Variants in RCOR1 observed in about 807,000 individuals in gnomAD.
RCOR1 encodes REST corepressor.
RCOR1 carries 12 observed loss-of-function variants against 64.0 expected under a neutral mutation model. That is an observed-to-expected ratio of 0.19 (90% CI 0.12 to 0.30). The LOEUF (loss-of-function observed/expected upper bound fraction) is 0.30. RCOR1 is among the 10% of genes least tolerant of loss of function. The probability of loss-of-function intolerance (pLI) is 1.00; values close to 1 mark genes in which losing one functional copy is unlikely to be tolerated. For synonymous variants in RCOR1, 279 were observed against 227.2 expected (o/e 1.23, Z -2.05); for missense variants, 502 against 621.2 (o/e 0.81, Z 2.04).
At chr14:102,607,843 C>G (rs1213265548) in intron 2 of RCOR1, among the ~76,000 whole-genome samples, 1 of 152,168 alleles carries the variant, frequency 6.6e-6, no homozygotes, top group African/African-American at 2.4e-5. Context: ...GATCGTGCCA[C>G]TGCACACTAG....
chr14:102,648,299 G>A (rs1894517254), intron 2 of RCOR1, among the ~76,000 whole-genome samples: 1 of 152,284 alleles, frequency 6.6e-6, no homozygotes, highest in South Asian at 2.1e-4. Context: ...GGCTGGTCTT[G>A]AACTCTTGAT....
chr14:102,635,436 G>A (rs543654193), intron 2 of RCOR1, among the ~76,000 whole-genome samples: 4 of 152,186 alleles, frequency 2.6e-5, no homozygotes, highest in South Asian at 4.1e-4. Flanking sequence ...CCCAGGAGGC[G>A]GAGGTTGCAG....
chr14:102,676,699 T>C (rs1595225087), intron 2 of RCOR1, among the ~76,000 whole-genome samples: 1 of 94,366 alleles, frequency 1.1e-5, no homozygotes. Flanking sequence ...CCCACCTCCC[T>C]CCCGGACTGG....
chr14:102,608,972 G>A (rs1044169459), intron 2 of RCOR1, among the ~76,000 whole-genome samples: 2 of 151,122 alleles, frequency 1.3e-5, no homozygotes, highest in African/African-American at 4.9e-5. Context: ...ATCCTTTTAG[G>A]GGTATATATC....
intron 2 of RCOR1, among the ~76,000 whole-genome samples, chr14:102,652,959 A>C (rs891306054): frequency 3.3e-5 from 5 of 151,934 alleles, no homozygotes; most frequent in African/African-American, 9.7e-5. Context: ...TTTGAGATGG[A>C]GTTTCGCTTT....
chr14:102,730,204 C>CT lies in RCOR1; in HGVS notation c.*3703dup. On this transcript the variant is annotated 3_prime_UTR_variant, in exon 12 of 12. Transcript: ENST00000262241. Reference sequence around the variant, plus strand: ...GTAGACTTATCGACTTTGCTAAGTGCTTTTTAGACAGCTTAAAAAATTTTC... The same window carrying CT: ...GTAGACTTATCGACTTTGCTAAGTGCTTTTTTAGACAGCTTAAAAAATTTTC... 1 of 395,208 alleles carries CT rather than the reference C, an allele frequency of 2.5e-6. No individual in the cohort carries two copies. The highest frequency in any genetic ancestry group is 4.5e-6 in the Non-Finnish European group (1 of 224,344). 24.5% of individuals were successfully genotyped at this position (395,208 alleles called of 1,614,324 possible). A position where few individuals can be genotyped will look rare whatever the true frequency, so the allele number is the denominator to read the frequency against.
chr14:102,623,416 T>A (rs1893917065), intron 2 of RCOR1, among the ~76,000 whole-genome samples: 1 of 150,742 alleles, frequency 6.6e-6, no homozygotes, highest in African/African-American at 2.4e-5. Flanking sequence ...ATTTATTTAT[T>A]TATTTATTTT....
intron 2 of RCOR1, chr14:102,656,089 G>T: frequency 1.0e-6 from 1 of 985,112 alleles, no homozygotes; most frequent in Non-Finnish European, 1.2e-6. Context: ...TATTTGAGTG[G>T]AAACAGATTC....
At chr14:102,621,612 A>G (rs989103698) in intron 2 of RCOR1, among the ~76,000 whole-genome samples, 7 of 152,008 alleles carry the variant, frequency 4.6e-5, no homozygotes, top group Non-Finnish European at 8.8e-5. Context: ...AAATTTACAT[A>G]TATTTTAATG....
Position 102,707,527 on chromosome 14 carries a change from C to T in RCOR1, c.660+15C>T. On this transcript the variant is annotated intron_variant, in intron 5 of 11. Transcript: ENST00000262241. ...TCCAACAAATGGTAAGTAGATGAGA[C>T]CACTGAGTTCTATTTTTTTTCTCCT... The T allele has an allele frequency of 6.4e-7, 1 of 1,574,174 alleles. No homozygotes were observed. Among genetic ancestry groups the T allele is most frequent in the East Asian group, 2.3e-5 (1 of 44,090 alleles).
chr14:102,637,433 T>C (rs966676727), intron 2 of RCOR1, among the ~76,000 whole-genome samples: 1 of 150,556 alleles, frequency 6.6e-6, no homozygotes, highest in Non-Finnish European at 1.5e-5. Context: ...TGGCCGCATA[T>C]ATATATTTTA....
rs56991991 is a variant in RCOR1 at position 102,616,206 on chromosome 14, A to ATGTG, written c.361+22921_361+22924dup. On this transcript the variant is annotated intron_variant, in intron 2 of 11. Coordinates refer to ENST00000262241, the MANE Select transcript of RCOR1 (RefSeq NM_015156.4). ...TTTATTACAAAAGATACATGTGTAT[A>ATGTG]TGTGTGTGTGTGTGTGTGTGTGTGT... is the stretch of plus-strand genomic sequence containing the variant. Among the ~76,000 whole-genome samples the ATGTG allele has an allele frequency of 5.5e-3, 819 of 149,202 alleles. 2 individuals carry two copies. The highest frequency in any genetic ancestry group is 5.4e-3 in the East Asian group (27 of 5,032).
intron 2 of RCOR1, among the ~76,000 whole-genome samples, chr14:102,600,142 A>AGT (rs1289153003): frequency 6.6e-6 from 1 of 151,918 alleles, no homozygotes; most frequent in African/African-American, 2.4e-5. Context: ...GCTGGAGTGC[A>AGT]GTGGCGCGAT....
chr14:102,721,383 G>A lies in RCOR1; in HGVS notation c.1189+6G>A. 4 of 1,611,796 alleles carry A rather than the reference G, an allele frequency of 2.5e-6. No homozygotes were observed. The highest frequency in any genetic ancestry group is 2.2e-5 in the East Asian group (1 of 44,856). On this transcript the variant is annotated splice_donor_region_variant and intron_variant, in intron 10 of 11. Transcript: ENST00000262241. ...GCAGCTTCTCGCCGTACAAGGTAGG[G>A]GGAAGTTCTTCTAAAGAGTTTAGGA...
rs571556343 is a variant in RCOR1 at position 102,643,049 on chromosome 14, G to A, written c.362-38846G>A. ...TGTAATCCCTGCACTTTGGGAGGCC[G>A]AGGCGGGCAGATCACGAGGTCAGGA... is the stretch of plus-strand genomic sequence containing the variant. On this transcript the variant is annotated intron_variant, in intron 2 of 11. Transcript: ENST00000262241. 3.9e-5 allele frequency among the ~76,000 whole-genome samples: 6 copies of A among 152,304 alleles called. No individual in the cohort carries two copies. In the East Asian group the frequency reaches 7.7e-4, roughly 20 times the overall value.
intron 8 of RCOR1, among the ~76,000 whole-genome samples, chr14:102,715,834 C>T (rs1412563979): frequency 6.6e-6 from 1 of 152,138 alleles, no homozygotes; most frequent in East Asian, 1.9e-4. Flanking sequence ...ATTTTATGTG[C>T]GTTTTGTTTG....
intron 2 of RCOR1, among the ~76,000 whole-genome samples, chr14:102,634,772 C>T (rs764861151): frequency 1.1e-4 from 16 of 151,624 alleles, no homozygotes; most frequent in Non-Finnish European, 1.6e-4. Context: ...TCTCGACTCA[C>T]GACAACCTCT....
chr14:102,640,506 C>T (rs745524715), intron 2 of RCOR1, among the ~76,000 whole-genome samples: 3 of 152,122 alleles, frequency 2.0e-5, no homozygotes, highest in African/African-American at 7.2e-5. Context: ...TCATGGAGAT[C>T]GAGACACCTG....
intron 4 of RCOR1, among the ~76,000 whole-genome samples, chr14:102,704,962 A>G (rs1028174819): frequency 2.0e-5 from 3 of 152,034 alleles, no homozygotes; most frequent in African/African-American, 7.2e-5. Flanking sequence ...TCATCTCTAA[A>G]AAAAAGTTTA....
Sources: allele counts gnomAD v4.1 joint callset (sites outside exome capture counted in the v4.1 genomes callset), GRCh38; gene constraint gnomAD v4.1.1; transcripts MANE v1.5; gene names NCBI Gene and HGNC (gene_info 2026-07-23, HGNC 2026-07-21).